The following ATRN variants were observed in gnomAD, a reference collection of about 807,000 sequenced individuals.
The protein encoded by ATRN is attractin-2.
A neutral mutation model predicts 178.7 loss-of-function variants in ATRN; 54 were observed. The ratio of observed to expected loss-of-function variants is 0.30; its 90% CI spans 0.24 to 0.38. The LOEUF (loss-of-function observed/expected upper bound fraction) is 0.38. Among genes scored for constraint, ATRN ranks in the 10% least tolerant of loss-of-function variants. The pLI is 1.00. For synonymous variants in ATRN, 636 were observed against 663.0 expected (o/e 0.96, Z 0.63); for missense variants, 1,443 against 1,815.1 (o/e 0.79, Z 3.73).
At chr20:3,621,721 G>A (rs1263127968) in intron 24 of ATRN, among the ~76,000 whole-genome samples, 2 of 152,178 alleles carry the variant, frequency 1.3e-5, no homozygotes, top group East Asian at 3.9e-4. Context: ...AATAAATTGT[G>A]AAAGAAAGAT....
chr20:3,610,046 G>C (rs555811433), intron 24 of ATRN, among the ~76,000 whole-genome samples: 1 of 152,160 alleles, frequency 6.6e-6, no homozygotes, highest in African/African-American at 2.4e-5. Flanking sequence ...TAGTGATATT[G>C]GTTGCACAAA....
rs1385328683 is a variant in ATRN at position 3,596,369 on chromosome 20, C to G, written c.3417-8C>G. Reference sequence around the variant, plus strand: ...TAGCAGTATAAAATAGTCTTTTTTCCCCCCCAGATGTGAGGTAGAAAATCG... The same window carrying G: ...TAGCAGTATAAAATAGTCTTTTTTCGCCCCCAGATGTGAGGTAGAAAATCG... On this transcript the variant is annotated splice_polypyrimidine_tract_variant and splice_region_variant and intron_variant, in intron 20 of 28. Transcript: ENST00000262919. The G allele has an allele frequency of 5.0e-6, 8 of 1,609,806 alleles. No individual in the cohort carries two copies. Among genetic ancestry groups the G allele is most frequent in the Non-Finnish European group, 6.8e-6 (8 of 1,177,392 alleles).
intron 7 of ATRN, 94 bp from the exon 8 acceptor site, chr20:3,560,568 T>A (rs2085936953): frequency 8.9e-7 from 1 of 1,123,292 alleles, no homozygotes; most frequent in African/African-American, 1.6e-5. Context: ...TAACCTTTTT[T>A]AAGCTGAGAA....
At chr20:3,555,611 A>G (rs1384065738) in intron 6 of ATRN, among the ~76,000 whole-genome samples, 1 of 152,100 alleles carries the variant, frequency 6.6e-6, no homozygotes, top group Non-Finnish European at 1.5e-5. Context: ...AACAGACTGC[A>G]CTCTCATCTG....
intron 2 of ATRN, 102 bp downstream of exon 2, chr20:3,535,438 C>A: frequency 2.1e-6 from 1 of 480,810 alleles, no homozygotes; most frequent in Non-Finnish European, 3.5e-6. Context: ...GCATAAAGTT[C>A]TTAAAACATT....
intron 10 of ATRN, among the ~76,000 whole-genome samples, chr20:3,564,195 A>G (rs1006601220): frequency 4.6e-5 from 7 of 152,260 alleles, no homozygotes; most frequent in Non-Finnish European, 1.0e-4. Context: ...CCTTAGCCTC[A>G]AAGTAGAAGA....
chr20:3,593,594 T>A (rs1049368267), intron 19 of ATRN, among the ~76,000 whole-genome samples: 2 of 152,180 alleles, frequency 1.3e-5, no homozygotes, highest in Admixed American at 6.5e-5. Context: ...ATTACACACC[T>A]TCCCCCAGTC....
chr20:3,508,595 A>G (rs2085079615), intron 1 of ATRN, among the ~76,000 whole-genome samples: 1 of 152,226 alleles, frequency 6.6e-6, no homozygotes. Context: ...TTTTCAGATG[A>G]ACAAATACAG....
intron 24 of ATRN, among the ~76,000 whole-genome samples, chr20:3,623,684 AAGC>A (rs1328682122): frequency 1.3e-5 from 2 of 152,198 alleles, no homozygotes; most frequent in Non-Finnish European, 2.9e-5. Context: ...CCCTAAAAAA[AAGC>A]AGGCAGCGCA....
intron 26 of ATRN, among the ~76,000 whole-genome samples, chr20:3,637,583 A>C (rs899229169): frequency 6.6e-6 from 1 of 152,218 alleles, no homozygotes; most frequent in Non-Finnish European, 1.5e-5. Flanking sequence ...AGTAAGGCCT[A>C]CTTGTATCCC....
At chr20:3,612,855 G>C (rs959834352) in intron 24 of ATRN, among the ~76,000 whole-genome samples, 1 of 152,046 alleles carries the variant, frequency 6.6e-6, no homozygotes, top group African/African-American at 2.4e-5. Flanking sequence ...TGAAAATCTT[G>C]ACTTATGCTG....
chr20:3,522,567 A>G (rs2085309940), intron 1 of ATRN, among the ~76,000 whole-genome samples: 4 of 152,204 alleles, frequency 2.6e-5, no homozygotes, highest in Admixed American at 2.6e-4. Flanking sequence ...GAGCTCTGCT[A>G]AGGGACAGAC....
intron 4 of ATRN, among the ~76,000 whole-genome samples, chr20:3,546,697 C>T (rs534368927): frequency 6.6e-6 from 1 of 151,974 alleles, no homozygotes; most frequent in African/African-American, 2.4e-5. Flanking sequence ...GGCCATAGTT[C>T]AATTCTTACA....
chr20:3,533,457 T>A (rs544650921), intron 1 of ATRN, among the ~76,000 whole-genome samples: 1 of 152,332 alleles, frequency 6.6e-6, no homozygotes, highest in Admixed American at 6.5e-5. Context: ...AACTTCTGGC[T>A]AATCGAATGT....
At chr20:3,568,029 G>A (rs1442770170) in intron 11 of ATRN, among the ~76,000 whole-genome samples, 2 of 152,162 alleles carry the variant, frequency 1.3e-5, no homozygotes, top group African/African-American at 2.4e-5. Context: ...AGTGGCTCAC[G>A]CTTGTAATCC....
intron 25 of ATRN, chr20:3,628,884 G>A: frequency 6.1e-6 from 6 of 985,152 alleles, no homozygotes; most frequent in Non-Finnish European, 7.2e-6. Flanking sequence ...GCCTCTCACT[G>A]TTGATTTTTT....
intron 2 of ATRN, 100 bp from the exon 3 acceptor site, chr20:3,540,120 CTG>C: frequency 1.6e-6 from 1 of 607,364 alleles, no homozygotes; most frequent in South Asian, 2.5e-5. Context: ...AGTTGTTAGA[CTG>C]TGTTACATAT....
At chr20:3,529,444 C>T (rs959017953) in intron 1 of ATRN, among the ~76,000 whole-genome samples, 1 of 152,078 alleles carries the variant, frequency 6.6e-6, no homozygotes, top group African/African-American at 2.4e-5. Context: ...TCCAAGTGTC[C>T]ACCAATAAAC....
intron 25 of ATRN, among the ~76,000 whole-genome samples, chr20:3,627,910 C>T (rs1181406724): frequency 1.3e-5 from 2 of 152,204 alleles, no homozygotes; most frequent in African/African-American, 2.4e-5. Flanking sequence ...CAGTGGCTCA[C>T]GCCTGTAATC....
Sources: gnomAD v4.1 joint callset for allele counts (sites outside exome capture counted in the v4.1 genomes callset) on GRCh38, gnomAD v4.1.1 for gene constraint, MANE v1.5 for transcripts, NCBI Gene and HGNC (gene_info 2026-07-23, HGNC 2026-07-21) for gene names.